Variants in AFAP1L2 observed in about 807,000 individuals in gnomAD.
The protein encoded by AFAP1L2 is actin filament-associated protein 1-like 2.
Under a neutral mutation model 99.3 loss-of-function variants are expected in AFAP1L2, and 46 were observed. That is an observed-to-expected ratio of 0.46 (90% confidence interval 0.37 to 0.59). The LOEUF (loss-of-function observed/expected upper bound fraction) is 0.59, where lower values mean the gene tolerates loss of function less well. AFAP1L2 is among the 20% of genes least tolerant of loss of function. AFAP1L2 has a pLI of 0.00. For synonymous variants in AFAP1L2, 397 were observed against 419.1 expected, an observed-to-expected ratio of 0.95 and a Z score of 0.64; for missense variants, 959 against 1,034.9, an observed-to-expected ratio of 0.93 and a Z score of 1.01.
At chr10:114,289,510 C>A in the AFAP1L2 span, 1 of 1,612,560 alleles carries the variant, frequency 6.2e-7, no homozygotes, top group African/African-American at 1.3e-5. Flanking sequence ...GAATCCACAC[C>A]CTCAGGGCTG....
chr10:114,333,136 AAG>A, intron 3 of AFAP1L2, 83 bp downstream of exon 3: 1 of 1,258,272 alleles, frequency 7.9e-7, no homozygotes, highest in Non-Finnish European at 1.1e-6. Context: ...GCTGGGAGGA[AAG>A]AGAGGTGGGA....
downstream of AFAP1L2, among the ~76,000 whole-genome samples, chr10:114,292,606 G>T (rs371286211): frequency 4.6e-5 from 7 of 150,654 alleles, no homozygotes; most frequent in East Asian, 1.2e-3. Flanking sequence ...CCCTATCGCT[G>T]CAGTATTTAG....
the AFAP1L2 span, among the ~76,000 whole-genome samples, chr10:114,282,017 C>CATTTTTTTTTTTTTTTTTTT: frequency 8.4e-6 from 1 of 119,662 alleles, no homozygotes. Context: ...CTTATGTTAC[C>CATTTTTTTTTTTTTTTTTTT]TTTTTTTTTT....
At chr10:114,289,521 C>A in the AFAP1L2 span, 2 of 1,609,522 alleles carry the variant, frequency 1.2e-6, no homozygotes, top group Non-Finnish European at 1.7e-6. Context: ...CTCAGGGCTG[C>A]CCCCATGGCA....
chr10:114,370,547 CACT>C (rs2053952865), intron 1 of AFAP1L2, among the ~76,000 whole-genome samples: 1 of 152,220 alleles, frequency 6.6e-6, no homozygotes, highest in African/African-American at 2.4e-5. Flanking sequence ...TTGCCTGATC[CACT>C]AGGGTAGCTA....
intron 1 of AFAP1L2, among the ~76,000 whole-genome samples, chr10:114,390,053 C>A (rs1590820375): frequency 6.6e-6 from 1 of 152,354 alleles, no homozygotes; most frequent in East Asian, 1.9e-4. Flanking sequence ...ACAACGATGA[C>A]CTTCCTAATA....
intron 1 of AFAP1L2, among the ~76,000 whole-genome samples, chr10:114,390,240 A>G (rs147740560): frequency 1.1e-4 from 16 of 152,296 alleles, no homozygotes; most frequent in African/African-American, 3.4e-4. Context: ...CTACTGCTGC[A>G]TAATTCTCTA....
chr10:114,374,249 C>G (rs551950197), intron 1 of AFAP1L2, among the ~76,000 whole-genome samples: 2 of 152,150 alleles, frequency 1.3e-5, no homozygotes, highest in Non-Finnish European at 2.9e-5. Flanking sequence ...AGATTTGAAA[C>G]GCCTGCACAT....
chr10:114,300,084 C>T (rs1203179832), intron 15 of AFAP1L2, 110 bp downstream of exon 15: 3 of 1,456,708 alleles, frequency 2.1e-6, no homozygotes, highest in East Asian at 4.7e-5. Context: ...TGAGTCAATT[C>T]TCCTTAATAA....
chr10:114,312,533 T>C (rs976648485), intron 7 of AFAP1L2, among the ~76,000 whole-genome samples: 41 of 152,044 alleles, frequency 2.7e-4, no homozygotes, highest in African/African-American at 9.4e-4. Context: ...AGTGGTCTTA[T>C]CTGTACTATC....
At chr10:114,289,568 G>A in the AFAP1L2 span, 1 of 1,520,268 alleles carries the variant, frequency 6.6e-7, no homozygotes, top group East Asian at 2.3e-5. Context: ...ATCATGACGA[G>A]GATGGCAGCT....
rs1407513321 is a variant in AFAP1L2, at chr10:114,393,028, C to A, written c.16+11412G>T. 2.0e-5 allele frequency among the ~76,000 whole-genome samples: 3 copies of A among 152,166 alleles called. No individual in the cohort carries two copies. In the East Asian group the frequency reaches 5.8e-4, roughly 29 times the overall value. On this transcript the variant is annotated intron_variant, in intron 1 of 18. Coordinates refer to ENST00000304129, the MANE Select transcript of AFAP1L2 (RefSeq NM_001001936.3). ...TCTCCTTTCCCCCAACACGCATGTGCCCCTATCATACCTGATACCCGGAAA... is the reference window on the plus strand; with the variant it reads ...TCTCCTTTCCCCCAACACGCATGTGACCCTATCATACCTGATACCCGGAAA...
chr10:114,390,977 C>T (rs1278388385), intron 1 of AFAP1L2, among the ~76,000 whole-genome samples: 1 of 152,094 alleles, frequency 6.6e-6, no homozygotes, highest in East Asian at 1.9e-4. Flanking sequence ...CTGTTCATAC[C>T]CTTGATTCAC....
At position 114,329,696 on chromosome 10, in the gene AFAP1L2, G is replaced by A. The variant is rs139905086; in HGVS notation, c.315+2107C>T. On this transcript the variant is annotated intron_variant, in intron 4 of 18. Coordinates refer to ENST00000304129, the MANE Select transcript of AFAP1L2 (RefSeq NM_001001936.3). The stretch of plus-strand genomic sequence containing the variant: ...CAGAGGGGCTGTGCTCTTCCCCCAG[G>A]TATCAGGGCTGAAAGTGAGGGGAGC... 5.2e-3 allele frequency among the ~76,000 whole-genome samples: 791 copies of A among 152,306 alleles called. 10 individuals are homozygous for A. The highest frequency in any genetic ancestry group is 0.018 in the African/African-American group (759 of 41,566).
In AFAP1L2 at chr10:114,300,537, C is replaced by A. The variant is rs762686125; in HGVS notation, c.1696G>T (p.Asp566Tyr). ...QASSPTLSCL[D>Y]NATEALPADS... ...GCCGGGAGGGCCTCAGTTGCATTGT[C>A]CAGGCAGGACAACGTCGGGGAGGAG... is the stretch of plus-strand genomic sequence containing the variant. Residue 566 changes from aspartate (D) to tyrosine (Y), a missense_variant, in exon 14 of 19, where the codon GAC becomes TAC. By Grantham distance (160) the Asp-to-Tyr change is radical. Transcript: ENST00000304129. The A allele has an allele frequency of 6.2e-7, 1 of 1,614,128 alleles. No homozygotes were observed. The highest frequency in any genetic ancestry group is 1.1e-5 in the South Asian group (1 of 91,072).
intron 4 of AFAP1L2, among the ~76,000 whole-genome samples, chr10:114,324,984 C>T (rs1408547917): frequency 6.6e-6 from 1 of 152,168 alleles, no homozygotes; most frequent in Non-Finnish European, 1.5e-5. Context: ...GCCTGGGCTG[C>T]AAGAGTATCC....
At chr10:114,317,142 C>CAATTTTACTAAGAAGCACATTT (rs1564846352) in intron 5 of AFAP1L2, among the ~76,000 whole-genome samples, 1 of 151,416 alleles carries the variant, frequency 6.6e-6, no homozygotes, top group Non-Finnish European at 1.5e-5. Context: ...AAAATGTTGT[C>CAATTTTACTAAGAAGCACATTT]GATTTTACTA....
intron 1 of AFAP1L2, 32 bp downstream of exon 1, chr10:114,404,408 G>T (rs1345563548): frequency 1.4e-5 from 22 of 1,536,754 alleles, no homozygotes; most frequent in Non-Finnish European, 1.8e-5. Flanking sequence ...AAGGGAGTGG[G>T]TGTGCGCCGC....
At chr10:114,401,704 G>A (rs1454220836) in intron 1 of AFAP1L2, among the ~76,000 whole-genome samples, 2 of 151,580 alleles carry the variant, frequency 1.3e-5, no homozygotes, top group South Asian at 2.1e-4. Flanking sequence ...AAGAAAGTCT[G>A]GAAGTGTCTC....
Sources: gnomAD v4.1 joint callset for allele counts (sites outside exome capture counted in the v4.1 genomes callset) on GRCh38, gnomAD v4.1.1 for gene constraint, MANE v1.5 for transcripts, NCBI Gene and HGNC (gene_info 2026-07-23, HGNC 2026-07-21) for gene names.